ANKRD33B: variants seen among roughly 807,000 people sequenced by gnomAD.
ANKRD33B encodes the protein ankyrin repeat domain 33B, also known as ankyrin repeat domain-containing protein 33B.
In ANKRD33B, 6 loss-of-function variants were observed where a neutral mutation model predicts 21.5. The observed-to-expected ratio is 0.28, with a 90% CI of 0.15 to 0.55. ANKRD33B has a LOEUF of 0.55. Ranked by LOEUF, ANKRD33B falls within the 20% of genes least tolerant of loss-of-function variation. The probability of loss-of-function intolerance (pLI) is 0.94; values close to 1 mark genes in which losing one functional copy is unlikely to be tolerated. For missense variants in ANKRD33B, 698 were observed against 747.2 expected, an observed-to-expected ratio of 0.93 and a Z score of 0.77; for synonymous variants, 347 against 342.4, an observed-to-expected ratio of 1.01 and a Z score of -0.15.
At chr5:10,633,756 A>G (rs1452239400) in intron 2 of ANKRD33B, among the ~76,000 whole-genome samples, 1 of 152,160 alleles carries the variant, frequency 6.6e-6, no homozygotes, top group Admixed American at 6.5e-5. Flanking sequence ...GGTCAGGTAC[A>G]TTGCAGAATG....
chr5:10,608,515 G>A (rs1560972326), intron 1 of ANKRD33B, among the ~76,000 whole-genome samples: 1 of 152,176 alleles, frequency 6.6e-6, no homozygotes. Context: ...TCATTCCTGT[G>A]TTTATGGGGA....
chr5:10,564,778 T>A lies in ANKRD33B; in HGVS notation c.311T>A (p.Leu104Gln). 1 of 1,525,558 alleles carries A rather than the reference T, an allele frequency of 6.6e-7. No individual in the cohort carries two copies. Among genetic ancestry groups the A allele is most frequent in the Non-Finnish European group, 8.8e-7 (1 of 1,140,006 alleles). 94.5% of individuals were successfully genotyped at this position (1,525,558 alleles called of 1,614,324 possible). Residue 104 changes from leucine (L) to glutamine (Q), a missense_variant, in exon 1 of 4, where the codon CTG becomes CAG. Leu to Gln is a moderately radical substitution (Grantham distance 113). This residue lies in a region of ANKRD33B where 148 missense variants were observed against 154.9 expected (regional missense o/e 0.96). Transcript: ENST00000296657. The part of the protein sequence containing the change: ...CANNVGLLRT[L>Q]VRRGVSVEEA... ...AACAACGTGGGGCTGCTGCGGACGC[T>A]GGTGCGGCGCGGGGTGAGCGTCGAG...
chr5:10,649,539 T>A lies in ANKRD33B; in HGVS notation c.911T>A (p.Val304Asp). Residue 304 changes from valine (V) to aspartate (D), a missense_variant, in exon 4 of 4, where the codon GTC becomes GAC. By Grantham distance (152) the Val-to-Asp change is radical. Around this residue, in one of 3 missense-constraint regions of ANKRD33B, gnomAD observed 543 missense variants for 566.5 expected, o/e 0.96. Coordinates refer to ENST00000296657, the MANE Select transcript of ANKRD33B (RefSeq NM_001164440.2). The part of the protein sequence containing the change: ...RSVRGPEDGG[V>D]LDHMVRMTTS... The stretch of plus-strand genomic sequence containing the variant: ...GTGCGGGGCCCGGAGGACGGGGGCG[T>A]CCTGGACCACATGGTCCGGATGACC... The A allele has an allele frequency of 6.5e-7, 1 of 1,531,358 alleles. No homozygotes were observed. 94.9% of individuals were successfully genotyped at this position (1,531,358 alleles called of 1,614,324 possible).
chr5:10,644,224 G>A (rs1375876082), intron 3 of ANKRD33B, among the ~76,000 whole-genome samples: 2 of 152,162 alleles, frequency 1.3e-5, no homozygotes, highest in African/African-American at 2.4e-5. Context: ...AGTATAACCG[G>A]GTTCTGAGAG....
chr5:10,602,289 G>C (rs1254555429), intron 1 of ANKRD33B, among the ~76,000 whole-genome samples: 4 of 152,248 alleles, frequency 2.6e-5, no homozygotes, highest in African/African-American at 9.6e-5. Flanking sequence ...CCTGGGCTGA[G>C]GCCTGAGGAT....
intron 1 of ANKRD33B, among the ~76,000 whole-genome samples, chr5:10,587,856 G>T (rs1428469039): frequency 6.6e-6 from 1 of 151,826 alleles, no homozygotes; most frequent in Non-Finnish European, 1.5e-5. Flanking sequence ...AGTAATTTTG[G>T]GTCTTTTTTG....
chr5:10,601,382 C>T (rs1488142658), intron 1 of ANKRD33B, among the ~76,000 whole-genome samples: 4 of 152,228 alleles, frequency 2.6e-5, no homozygotes, highest in South Asian at 2.1e-4. Context: ...GCTTGCCTCC[C>T]GCCTGGGACA....
chr5:10,614,849 T>G (rs959757469), intron 1 of ANKRD33B, among the ~76,000 whole-genome samples: 4 of 151,642 alleles, frequency 2.6e-5, no homozygotes, highest in African/African-American at 9.7e-5. Flanking sequence ...ATCACACCAC[T>G]GCATTCCAGC....
intron 1 of ANKRD33B, among the ~76,000 whole-genome samples, chr5:10,613,624 T>C (rs539890369): frequency 1.3e-5 from 2 of 152,204 alleles, no homozygotes; most frequent in Non-Finnish European, 2.9e-5. Context: ...CACAGAATCA[T>C]ATGGGGTGGC....
intron 1 of ANKRD33B, among the ~76,000 whole-genome samples, chr5:10,617,481 T>A (rs572489672): frequency 2.0e-5 from 3 of 152,348 alleles, no homozygotes; most frequent in Admixed American, 6.5e-5. Flanking sequence ...AAATCTTCCT[T>A]TCCAGAATCC....
intron 3 of ANKRD33B, among the ~76,000 whole-genome samples, chr5:10,641,629 G>A (rs562485711): frequency 2.6e-5 from 4 of 151,956 alleles, no homozygotes; most frequent in Admixed American, 1.3e-4. Context: ...GTCTGAGCCC[G>A]TCTGTTGTTT....
rs34515233 is a variant in ANKRD33B, at chr5:10,634,457, A to ATTTTTTT, written c.497-3570_497-3564dup. ...CCAAGTTGGACTGGGCTCAAACTAGATTTTTTTCTTTTTTTTTTTTGAGAC... is the reference window on the plus strand; with the variant it reads ...CCAAGTTGGACTGGGCTCAAACTAGATTTTTTTTTTTTTTCTTTTTTTTTTTTGAGAC... On this transcript the variant is annotated intron_variant, in intron 2 of 3. Transcript: ENST00000296657. Among the ~76,000 whole-genome samples the ATTTTTTT allele has an allele frequency of 2.2e-4, 31 of 141,888 alleles. 1 individual carries two copies. The highest frequency in any genetic ancestry group is 5.5e-4 in the African/African-American group (21 of 38,246). The allele number at this position is 141,888 out of a possible 152,430, so 93.1% of individuals were successfully genotyped here. A position where few individuals can be genotyped will look rare whatever the true frequency, so the allele number is the denominator to read the frequency against.
chr5:10,640,907 C>T (rs920137888), intron 3 of ANKRD33B, among the ~76,000 whole-genome samples: 6 of 152,198 alleles, frequency 3.9e-5, no homozygotes, highest in African/African-American at 9.7e-5. Context: ...GAGGGGACAC[C>T]GAGGTACCCT....
At chr5:10,612,746 C>T (rs960019703) in intron 1 of ANKRD33B, among the ~76,000 whole-genome samples, 2 of 152,188 alleles carry the variant, frequency 1.3e-5, no homozygotes, top group Non-Finnish European at 2.9e-5. Context: ...TTTCTTAGAC[C>T]CCTGATGATT....
At chr5:10,601,641 G>A (rs1187833858) in intron 1 of ANKRD33B, among the ~76,000 whole-genome samples, 2 of 152,242 alleles carry the variant, frequency 1.3e-5, no homozygotes, top group African/African-American at 4.8e-5. Context: ...CCAGGGACCA[G>A]TAAGCCTGCT....
chr5:10,572,795 C>G (rs1418605952), intron 1 of ANKRD33B, among the ~76,000 whole-genome samples: 4 of 152,212 alleles, frequency 2.6e-5, no homozygotes, highest in African/African-American at 9.7e-5. Context: ...CTGCTTCTTC[C>G]TGGGCCTCCC....
At chr5:10,590,903 G>A (rs1017570254) in intron 1 of ANKRD33B, among the ~76,000 whole-genome samples, 16 of 152,206 alleles carry the variant, frequency 1.1e-4, no homozygotes, top group African/African-American at 3.6e-4. Context: ...AGGCCTGCAA[G>A]TCCTGGTCGT....
At chr5:10,605,025 G>T (rs1736015858) in intron 1 of ANKRD33B, among the ~76,000 whole-genome samples, 1 of 152,250 alleles carries the variant, frequency 6.6e-6, no homozygotes, top group African/African-American at 2.4e-5. Context: ...GTTGTCTGAA[G>T]GCTTGACTGA....
rs1458071968 is a variant in ANKRD33B at position 10,650,217 on chromosome 5, C to G, written c.*104C>G. The stretch of plus-strand genomic sequence containing the variant: ...CCCGTTGCGCATCGCACCACTTCCG[C>G]TCCATGGACCACGGGGCTGCGCGCA... On this transcript the variant is annotated 3_prime_UTR_variant, in exon 4 of 4. Transcript: ENST00000296657. 1 of 1,225,026 alleles carries G rather than the reference C, an allele frequency of 8.2e-7. No individual in the cohort carries two copies. Among genetic ancestry groups the G allele is most frequent in the Non-Finnish European group, 1.1e-6 (1 of 935,576 alleles). 75.9% of individuals were successfully genotyped at this position (1,225,026 alleles called of 1,614,324 possible). A position where few individuals can be genotyped will look rare whatever the true frequency, so the allele number is the denominator to read the frequency against.
Sources: allele counts gnomAD v4.1 joint callset (sites outside exome capture counted in the v4.1 genomes callset), GRCh38; gene constraint gnomAD v4.1.1; regional missense constraint gnomAD v4.1.1; transcripts MANE v1.5; gene names NCBI Gene and HGNC (gene_info 2026-07-23, HGNC 2026-07-21).